PCDHGB6: variants seen among roughly 807,000 people sequenced by gnomAD.
PCDHGB6 encodes protocadherin gamma-B6.
Under a neutral mutation model 59.1 loss-of-function variants are expected in PCDHGB6, and 51 were observed. That is an observed-to-expected ratio of 0.86 (90% confidence interval 0.69 to 1.09). PCDHGB6 has a LOEUF of 1.09. Ranked by LOEUF, PCDHGB6 falls within the 50% of genes least tolerant of loss-of-function variation. PCDHGB6 has a pLI of 0.00. For synonymous variants in PCDHGB6, 466 were observed against 495.1 expected (o/e 0.94, Z 0.78); for missense variants, 1,148 against 1,205.1 (o/e 0.95, Z 0.70).
intron 1 of PCDHGB6, among the ~76,000 whole-genome samples, chr5:141,462,538 C>G (rs565849689): frequency 1.3e-5 from 2 of 152,102 alleles, no homozygotes; most frequent in South Asian, 2.1e-4. Context: ...GTTCAGTGAT[C>G]TTTTCTTCTT....
chr5:141,500,182 A>ATTTT lies in PCDHGB6; in HGVS notation c.2478-5209_2478-5206dup, dbSNP rs1199992745. Among the ~76,000 whole-genome samples the ATTTT allele has an allele frequency of 1.7e-3, 223 of 131,716 alleles. 2 individuals are homozygous for ATTTT. Among genetic ancestry groups the ATTTT allele is most frequent in the African/African-American group, 6.2e-3 (201 of 32,350 alleles). The allele number at this position is 131,716 out of a possible 152,430, so 86.4% of individuals were successfully genotyped here. On this transcript the variant is annotated intron_variant, in intron 2 of 3. Transcript: ENST00000520790. ...AAGAACATGCATGAGCTTCATTTTT[A>ATTTT]TTTTTATTTATTTATTTATTTATTT...
intron 1 of PCDHGB6, among the ~76,000 whole-genome samples, chr5:141,425,918 C>T (rs901485843): frequency 1.1e-4 from 16 of 152,200 alleles, no homozygotes; most frequent in Admixed American, 2.0e-4. Flanking sequence ...ACAGTCACTA[C>T]GAAAACTCAT....
chr5:141,413,914 A>G (rs776089620), intron 1 of PCDHGB6: 13 of 1,613,234 alleles, frequency 8.1e-6, no homozygotes. Flanking sequence ...GCCGGTCTTC[A>G]CCTTGCCAGA....
At chr5:141,499,625 C>A (rs1238895570) in intron 2 of PCDHGB6, among the ~76,000 whole-genome samples, 1 of 149,832 alleles carries the variant, frequency 6.7e-6, no homozygotes, top group East Asian at 2.0e-4. Flanking sequence ...TCCTTGGATT[C>A]TTTTGAAGCA....
chr5:141,491,896 C>A lies in PCDHGB6; in HGVS notation c.2419-2911C>A. ...CGATTAAGGGATGGGGCTCCGAGCA[C>A]CGGGGGTGGTGGCGACTGTGGGCGA... On this transcript the variant is annotated intron_variant, in intron 1 of 3. Coordinates refer to ENST00000520790, the MANE Select transcript of PCDHGB6 (RefSeq NM_018926.3). This position sits in a 1 kb window ranked among gnomAD's most constrained non-coding sequence, Gnocchi z 6.9. 1 of 1,434,504 alleles carries A rather than the reference C, an allele frequency of 7.0e-7. No homozygotes were observed. Among genetic ancestry groups the A allele is most frequent in the Non-Finnish European group, 9.2e-7 (1 of 1,084,690 alleles). The allele number at this position is 1,434,504 out of a possible 1,614,324, so 88.9% of individuals were successfully genotyped here.
At chr5:141,441,736 T>C in intron 1 of PCDHGB6, 1 of 365,328 alleles carries the variant, frequency 2.7e-6, no homozygotes. Flanking sequence ...CAGGACTAGC[T>C]CGCGCTCGGC....
At chr5:141,413,222 G>T in intron 1 of PCDHGB6, 1 of 1,613,796 alleles carries the variant, frequency 6.2e-7, no homozygotes, top group Admixed American at 1.7e-5. Flanking sequence ...GATTGCAGCG[G>T]GCTGGTCCTG....
At chr5:141,494,780 G>A (rs1314622459) in intron 1 of PCDHGB6, 27 bp from the exon 2 acceptor site, 13 of 1,613,898 alleles carry the variant, frequency 8.1e-6, no homozygotes, top group African/African-American at 1.3e-5. Context: ...CGGGTACTCA[G>A]CCCCTTTCCC....
At position 141,432,640 on chromosome 5, in the gene PCDHGB6, C is replaced by T. The variant is rs2097523683; in HGVS notation, c.2418+22020C>T. On this transcript the variant is annotated intron_variant, in intron 1 of 3. Transcript: ENST00000520790. This position sits in a 1 kb window ranked among gnomAD's most constrained non-coding sequence, Gnocchi z 6.0. ...TGGGTCTGCACACGGGCGAGGTGCG[C>T]ACGGCGCGAGCCCTGCTGGACAGAG... 1.9e-6 allele frequency: 3 copies of T among 1,613,814 alleles called. No individual in the cohort carries two copies. The highest frequency in any genetic ancestry group is 2.5e-6 in the Non-Finnish European group (3 of 1,179,932).
chr5:141,415,901 C>A, intron 1 of PCDHGB6: 1 of 847,932 alleles, frequency 1.2e-6, no homozygotes, highest in Non-Finnish European at 1.6e-6. Context: ...CTAAGACAGA[C>A]TTCCATACAG....
chr5:141,490,938 C>A lies in PCDHGB6; in HGVS notation c.2419-3869C>A. 1.2e-6 allele frequency: 2 copies of A among 1,613,672 alleles called. No individual in the cohort carries two copies. Among genetic ancestry groups the A allele is most frequent in the Non-Finnish European group, 1.7e-6 (2 of 1,179,760 alleles). On this transcript the variant is annotated intron_variant, in intron 1 of 3. Coordinates refer to ENST00000520790, the MANE Select transcript of PCDHGB6 (RefSeq NM_018926.3). The surrounding 1 kb of genome is among the most constrained non-coding windows in gnomAD (Gnocchi z 5.4). ...ATGATAATGCCCCAGCTGTGCTGCA[C>A]CCACGGCCAGACTGGGAACACTCAG... is the stretch of plus-strand genomic sequence containing the variant.
In PCDHGB6 at chr5:141,410,525, T is replaced by G. The variant is rs6891442; in HGVS notation, c.2323T>G (p.Ser775Ala). The G allele has an allele frequency of 1.9e-3, 3,112 of 1,613,920 alleles. 62 individuals are homozygous for G. In the African/African-American group the frequency reaches 0.034, roughly 18 times the overall value. The change falls in exon 1 of 4, where the codon TCC becomes GCC. Residue 775 changes from serine to alanine, a missense_variant. Transcript: ENST00000520790. ...CCTAAAATGCAGTGTGCCCCTACAT[T>G]CCAATGAAGACATGGTTTGCAGTGT... Reference protein sequence around the residue: ...NFLKCSVPLHSNEDMVCSVSP... With the variant: ...NFLKCSVPLHANEDMVCSVSP...
At chr5:141,479,936 T>C (rs532302710) in intron 1 of PCDHGB6, among the ~76,000 whole-genome samples, 97 of 152,340 alleles carry the variant, frequency 6.4e-4, no homozygotes, top group African/African-American at 2.2e-3. Flanking sequence ...ATCATTGCTA[T>C]CAACTCTTGG....
intron 1 of PCDHGB6, among the ~76,000 whole-genome samples, chr5:141,449,056 G>A (rs149442150): frequency 6.6e-6 from 1 of 152,068 alleles, no homozygotes; most frequent in African/African-American, 2.4e-5. Flanking sequence ...TCATAAATGA[G>A]CGCTATTGAA....
chr5:141,497,740 C>G (rs954595046), intron 2 of PCDHGB6, among the ~76,000 whole-genome samples: 9 of 152,054 alleles, frequency 5.9e-5, no homozygotes, highest in African/African-American at 2.2e-4. Context: ...GGTTTCGCCA[C>G]GTTGGCCAGG....
intron 1 of PCDHGB6, chr5:141,478,160 GC>G (rs764598056): frequency 1.9e-6 from 3 of 1,613,964 alleles, no homozygotes; most frequent in Non-Finnish European, 2.5e-6. Flanking sequence ...CTCTGGCTCT[GC>G]CCCCCGGGAG....
At chr5:141,510,917 C>G in intron 3 of PCDHGB6, 30 bp from the exon 4 acceptor site, 1 of 1,613,854 alleles carries the variant, frequency 6.2e-7, no homozygotes, top group Non-Finnish European at 8.5e-7. Flanking sequence ...CTAAGTTTAG[C>G]TCCCACCTGA....
chr5:141,459,579 T>G (rs1047850142), intron 1 of PCDHGB6, among the ~76,000 whole-genome samples: 2 of 152,212 alleles, frequency 1.3e-5, no homozygotes, highest in African/African-American at 4.8e-5. Context: ...AGAATTGTTT[T>G]GGGGGTCATA....
At chr5:141,433,397 A>G (rs189987785) in intron 1 of PCDHGB6, among the ~76,000 whole-genome samples, 270 of 150,524 alleles carry the variant, frequency 1.8e-3, no homozygotes, top group Non-Finnish European at 3.1e-3. Context: ...CTATCTATCT[A>G]TCTATCTATT....
Sources: gnomAD v4.1 joint callset for allele counts (sites outside exome capture counted in the v4.1 genomes callset) on GRCh38, gnomAD v4.1.1 for gene constraint, Gnocchi (gnomAD v3.1) non-coding constraint, MANE v1.5 for transcripts, NCBI Gene and HGNC (gene_info 2026-07-23, HGNC 2026-07-21) for gene names.